CACNA1E: variants seen among roughly 807,000 people sequenced by gnomAD.
CACNA1E encodes calcium voltage-gated channel subunit alpha1 E.
A neutral mutation model predicts 259.2 loss-of-function variants in CACNA1E; 40 were observed. That is an observed-to-expected ratio of 0.15 (90% CI 0.12 to 0.20). CACNA1E has a LOEUF of 0.20. Ranked by LOEUF, CACNA1E falls within the 10% of genes least tolerant of loss-of-function variation. The pLI is 1.00. For missense variants in CACNA1E, 1,874 were observed against 3,040.1 expected (o/e 0.62, Z 9.02); for synonymous variants, 1,104 against 1,138.5 (o/e 0.97, Z 0.61).
chr1:181,356,341 C>CGT (rs141071408), intron 1 of CACNA1E, among the ~76,000 whole-genome samples: 47,719 of 146,964 alleles, frequency 0.32, 7,761 homozygotes, highest in South Asian at 0.46. Flanking sequence ...GCCTTCTATT[C>CGT]GTGTGTGTGT....
At chr1:181,602,579 A>G (rs1210810691) in intron 6 of CACNA1E, among the ~76,000 whole-genome samples, 1 of 152,208 alleles carries the variant, frequency 6.6e-6, no homozygotes, top group Non-Finnish European at 1.5e-5. Flanking sequence ...ACATGAGTTC[A>G]TGGGATGGGA....
intron 2 of CACNA1E, among the ~76,000 whole-genome samples, chr1:181,473,199 C>CTCCT (rs1419552581): frequency 6.6e-6 from 1 of 152,164 alleles, no homozygotes; most frequent in African/African-American, 2.4e-5. Flanking sequence ...CCTGAACTCC[C>CTCCT]TTACTGACCT....
intron 44 of CACNA1E, among the ~76,000 whole-genome samples, chr1:181,792,904 C>A (rs774809403): frequency 1.4e-4 from 21 of 152,202 alleles, no homozygotes; most frequent in Non-Finnish European, 2.8e-4. Context: ...TGTAGGCTGG[C>A]ACAGTCCAAA....
intron 6 of CACNA1E, among the ~76,000 whole-genome samples, chr1:181,589,855 T>A (rs1652454934): frequency 6.6e-6 from 1 of 152,172 alleles, no homozygotes; most frequent in South Asian, 2.1e-4. Context: ...TGATAACACA[T>A]CAAAGGCATC....
At chr1:181,471,765 A>G (rs1485650060) in intron 2 of CACNA1E, among the ~76,000 whole-genome samples, 7 of 152,212 alleles carry the variant, frequency 4.6e-5, no homozygotes, top group African/African-American at 1.7e-4. Flanking sequence ...TACATCATCT[A>G]TAATGCCTGG....
chr1:181,660,345 A>C (rs1388580497), intron 7 of CACNA1E, among the ~76,000 whole-genome samples: 1 of 152,278 alleles, frequency 6.6e-6, no homozygotes, highest in Non-Finnish European at 1.5e-5. Context: ...AAAGATGGGT[A>C]AAATGAGGAG....
chr1:181,732,534 CCTCAACCCG>C lies in CACNA1E; in HGVS notation c.2454_2462del (p.Pro819_Asn821del). On this transcript the variant is annotated inframe_deletion, in exon 20 of 48. Coordinates refer to ENST00000367573, the MANE Select transcript of CACNA1E (RefSeq NM_001205293.3). The surrounding 1 kb of genome is among the most constrained non-coding windows in gnomAD (Gnocchi z 5.5). The stretch of plus-strand genomic sequence containing the variant: ...TCAACCCCCTCAACCCGCTCAGCTC[CCTCAACCCG>C]CTCAATGCCCACCCCAGCCTTTATC... The C allele has an allele frequency of 6.4e-7, 1 of 1,551,278 alleles. No individual in the cohort carries two copies. The highest frequency in any genetic ancestry group is 8.7e-7 in the Non-Finnish European group (1 of 1,146,780).
intron 1 of CACNA1E, among the ~76,000 whole-genome samples, chr1:181,373,120 A>C (rs544380311): frequency 6.6e-6 from 1 of 152,234 alleles, no homozygotes; most frequent in African/African-American, 2.4e-5. Context: ...TTTCTCTGAC[A>C]GATTTTGGTA....
Position 181,374,688 on chromosome 1 carries a change from A to G in CACNA1E, c.-14-38445A>G, listed in dbSNP as rs549815871. Among the ~76,000 whole-genome samples the G allele has an allele frequency of 2.6e-5, 4 of 152,172 alleles. No homozygotes were observed. The South Asian group carries it at 8.3e-4, about 32-fold the overall frequency. ...TGCTATGTTGCCCAGGCTGGTCTTG[A>G]ACGCCTGAGCTCAAGTGATCCTCCT... On this transcript the variant is annotated intron_variant, in intron 1 of 11. Transcript: ENST00000524607.
At chr1:181,371,690 G>A (rs1169861914) in intron 1 of CACNA1E, among the ~76,000 whole-genome samples, 4 of 152,162 alleles carry the variant, frequency 2.6e-5, no homozygotes, top group African/African-American at 9.7e-5. Context: ...TATTTCCTAG[G>A]TTTTCTATTA....
chr1:181,386,049 T>G (rs1296409538), intron 1 of CACNA1E, among the ~76,000 whole-genome samples: 1 of 152,240 alleles, frequency 6.6e-6, no homozygotes, highest in Non-Finnish European at 1.5e-5. Flanking sequence ...CACAAGGAAT[T>G]CTAACAAAGT....
Position 181,630,417 on chromosome 1 carries a change from T to C in CACNA1E, c.952-20921T>C, listed in dbSNP as rs76619098. ...ACCCCGCCTTAAAACCTAATATTCA[T>C]TCATCTCTTACTTTGGTTATTATTT... On this transcript the variant is annotated intron_variant, in intron 6 of 47. Coordinates refer to ENST00000367573, the MANE Select transcript of CACNA1E (RefSeq NM_001205293.3). Among the ~76,000 whole-genome samples, 330 of 149,406 alleles carry C rather than the reference T, an allele frequency of 2.2e-3. 8 individuals are homozygous for C. In the East Asian group the frequency reaches 0.049, roughly 22 times the overall value.
intron 18 of CACNA1E, among the ~76,000 whole-genome samples, chr1:181,729,667 G>A (rs1334638294): frequency 6.6e-6 from 1 of 152,188 alleles, no homozygotes. Flanking sequence ...CATATGAGTT[G>A]GAGACATGTG....
In CACNA1E at chr1:181,747,452, T is replaced by G. The variant is rs1242302029; in HGVS notation, c.3720-3024T>G. ...TGATGAAACAAGAAAAATCTGTCAT[T>G]TTTTTTTTTTTTTTTTTACTGGAGA... On this transcript the variant is annotated intron_variant, in intron 25 of 47. Coordinates refer to ENST00000367573, the MANE Select transcript of CACNA1E (RefSeq NM_001205293.3). Among the ~76,000 whole-genome samples, 6 of 27,626 alleles carry G rather than the reference T, an allele frequency of 2.2e-4. 1 individual carries two copies. Among genetic ancestry groups the G allele is most frequent in the Non-Finnish European group, 5.4e-4 (6 of 11,026 alleles). The allele number at this position is 27,626 out of a possible 152,430, so 18.1% of individuals were successfully genotyped here. A position where few individuals can be genotyped will look rare whatever the true frequency, so the allele number is the denominator to read the frequency against.
At chr1:181,388,904 A>G (rs374420426) in intron 1 of CACNA1E, among the ~76,000 whole-genome samples, 4 of 151,864 alleles carry the variant, frequency 2.6e-5, no homozygotes, top group East Asian at 1.9e-4. Context: ...AAAAAAAAAA[A>G]CGTGTTATGA....
At chr1:181,576,817 A>G (rs1393262356) in intron 3 of CACNA1E, among the ~76,000 whole-genome samples, 1 of 152,226 alleles carries the variant, frequency 6.6e-6, no homozygotes, top group Non-Finnish European at 1.5e-5. Flanking sequence ...CTGTGTGTAC[A>G]TTATAGTTTA....
intron 3 of CACNA1E, among the ~76,000 whole-genome samples, chr1:181,521,810 G>A (rs527974974): frequency 6.6e-6 from 1 of 152,132 alleles, no homozygotes; most frequent in South Asian, 2.1e-4. Context: ...AAGAGGGAAG[G>A]GGACAGGATG....
intron 6 of CACNA1E, among the ~76,000 whole-genome samples, chr1:181,646,125 C>A (rs973144347): frequency 6.6e-6 from 1 of 152,218 alleles, no homozygotes; most frequent in South Asian, 2.1e-4. Flanking sequence ...AATGGCCTGG[C>A]TTTTTTGCTA....
intron 3 of CACNA1E, among the ~76,000 whole-genome samples, chr1:181,556,716 G>A (rs1038258150): frequency 6.6e-6 from 1 of 152,162 alleles, no homozygotes; most frequent in African/African-American, 2.4e-5. Context: ...AAGAAGTTGG[G>A]GCAGGAGGGC....
Sources: allele counts gnomAD v4.1 joint callset (sites outside exome capture counted in the v4.1 genomes callset), GRCh38; gene constraint gnomAD v4.1.1; non-coding constraint Gnocchi (gnomAD v3.1); transcripts MANE v1.5; gene names NCBI Gene and HGNC (gene_info 2026-07-23, HGNC 2026-07-21).